Variants in CDH8 observed in about 807,000 individuals in gnomAD.
CDH8 encodes cadherin-8.
A neutral mutation model predicts 68.1 loss-of-function variants in CDH8; 17 were observed. That is an observed-to-expected ratio of 0.25 (90% CI 0.17 to 0.37). CDH8 has a LOEUF of 0.37. CDH8 is among the 10% of genes least tolerant of loss of function. The probability of loss-of-function intolerance (pLI) is 1.00; values close to 1 mark genes in which losing one functional copy is unlikely to be tolerated. For missense variants in CDH8, 763 were observed against 999.3 expected, an observed-to-expected ratio of 0.76 and a Z score of 3.19; for synonymous variants, 372 against 365.1, an observed-to-expected ratio of 1.02 and a Z score of -0.21.
chr16:61,784,926 G>T (rs374592693), intron 8 of CDH8, among the ~76,000 whole-genome samples: 64 of 151,944 alleles, frequency 4.2e-4, no homozygotes, highest in South Asian at 1.2e-3. Flanking sequence ...TCTCTGGGAC[G>T]CATTCAAAGC....
chr16:61,886,262 G>A (rs932911497), intron 3 of CDH8, among the ~76,000 whole-genome samples: 1 of 152,138 alleles, frequency 6.6e-6, no homozygotes, highest in Non-Finnish European at 1.5e-5. Context: ...GCAGACACAA[G>A]AGTGATAGTC....
Position 61,995,342 on chromosome 16 carries a change from G to A in CDH8, c.252+25810C>T, listed in dbSNP as rs376280435. On this transcript the variant is annotated intron_variant, in intron 2 of 11. Coordinates refer to ENST00000577390, the MANE Select transcript of CDH8 (RefSeq NM_001796.5). The stretch of plus-strand genomic sequence containing the variant: ...CTAATTCTCAGATTCTAAAGCAATA[G>A]ATCGGCCTGTCTGGGGAGCAGGCAT... Among the ~76,000 whole-genome samples, 128 of 152,176 alleles carry A rather than the reference G, an allele frequency of 8.4e-4. 2 individuals are homozygous for A. The South Asian group carries it at 0.027, about 32-fold the overall frequency.
intron 2 of CDH8, among the ~76,000 whole-genome samples, chr16:61,994,464 T>C (rs1261928716): frequency 6.6e-6 from 1 of 152,198 alleles, no homozygotes; most frequent in Non-Finnish European, 1.5e-5. Flanking sequence ...AATCTCTGTA[T>C]TGAAGAACGT....
intron 4 of CDH8, among the ~76,000 whole-genome samples, chr16:61,854,986 TCTGA>T (rs1311496545): frequency 6.6e-6 from 1 of 152,170 alleles, no homozygotes; most frequent in Non-Finnish European, 1.5e-5. Flanking sequence ...AAGAACTTAG[TCTGA>T]CTTTTATCGA....
intron 8 of CDH8, among the ~76,000 whole-genome samples, chr16:61,728,333 G>C (rs971761762): frequency 6.6e-6 from 1 of 150,568 alleles, no homozygotes; most frequent in Non-Finnish European, 1.5e-5. Context: ...TTTACAGTTG[G>C]TTTGCCCTGC....
chr16:61,988,577 CAACA>C (rs1965665047), intron 2 of CDH8, among the ~76,000 whole-genome samples: 1 of 150,536 alleles, frequency 6.6e-6, no homozygotes, highest in Non-Finnish European at 1.5e-5. Flanking sequence ...AAAGCAACAG[CAACA>C]AACAAAAACA....
At chr16:61,727,891 C>T (rs1345152558) in intron 8 of CDH8, among the ~76,000 whole-genome samples, 7 of 150,992 alleles carry the variant, frequency 4.6e-5, no homozygotes, top group Non-Finnish European at 8.9e-5. Context: ...GAACTCAATA[C>T]ATAATCCTCA....
intron 8 of CDH8, among the ~76,000 whole-genome samples, chr16:61,736,116 G>A (rs10651980): frequency 0.013 from 948 of 74,710 alleles, 4 homozygotes; most frequent in African/African-American, 0.022. Context: ...AGAAAGAAAG[G>A]AAGGAAGGAA....
At chr16:62,029,664 TA>T (rs1440185878) in intron 1 of CDH8, among the ~76,000 whole-genome samples, 2 of 152,180 alleles carry the variant, frequency 1.3e-5, no homozygotes, top group African/African-American at 4.8e-5. Flanking sequence ...AGCCGCTCAT[TA>T]AAAAACATTG....
At chr16:61,946,935 T>C (rs1964811561) in intron 2 of CDH8, among the ~76,000 whole-genome samples, 1 of 152,204 alleles carries the variant, frequency 6.6e-6, no homozygotes, top group South Asian at 2.1e-4. Flanking sequence ...AGAAGAGAAA[T>C]GATTGATGTT....
At chr16:62,010,422 T>G (rs1355492435) in intron 2 of CDH8, among the ~76,000 whole-genome samples, 1 of 152,136 alleles carries the variant, frequency 6.6e-6, no homozygotes, top group Admixed American at 6.5e-5. Context: ...ACGCACAGGT[T>G]TGACTCTGGG....
chr16:61,869,246 C>T (rs1285439753), intron 3 of CDH8, among the ~76,000 whole-genome samples: 1 of 152,128 alleles, frequency 6.6e-6, no homozygotes, highest in African/African-American at 2.4e-5. Context: ...ACCGGTCCTT[C>T]TTGGCCCTTA....
At chr16:61,821,941 T>C (rs997879414) in intron 5 of CDH8, among the ~76,000 whole-genome samples, 3 of 151,916 alleles carry the variant, frequency 2.0e-5, no homozygotes, top group Non-Finnish European at 4.4e-5. Flanking sequence ...CTCCTGCATT[T>C]CTTTGCCTGA....
intron 8 of CDH8, among the ~76,000 whole-genome samples, chr16:61,742,043 A>T (rs1365800472): frequency 6.6e-6 from 1 of 151,934 alleles, no homozygotes; most frequent in Non-Finnish European, 1.5e-5. Flanking sequence ...CTGTATCTTC[A>T]TTTGTATCTT....
chr16:62,000,342 G>T (rs1437208075), intron 2 of CDH8, among the ~76,000 whole-genome samples: 2 of 152,034 alleles, frequency 1.3e-5, no homozygotes, highest in African/African-American at 4.8e-5. Context: ...GGGTCAAATG[G>T]TATTTCTGGT....
chr16:61,821,560 C>T (rs903077588), intron 5 of CDH8, among the ~76,000 whole-genome samples: 3 of 152,022 alleles, frequency 2.0e-5, no homozygotes, highest in Non-Finnish European at 4.4e-5. Flanking sequence ...CACTTTTGAA[C>T]TTACCTTTAT....
intron 1 of CDH8, among the ~76,000 whole-genome samples, chr16:62,024,058 C>T (rs897398072): frequency 6.6e-6 from 1 of 151,916 alleles, no homozygotes; most frequent in Non-Finnish European, 1.5e-5. Context: ...ATCTCCATCT[C>T]GAACTCCTCA....
chr16:61,943,851 A>C (rs543582866), intron 2 of CDH8, among the ~76,000 whole-genome samples: 43 of 152,364 alleles, frequency 2.8e-4, no homozygotes, highest in Admixed American at 2.5e-3. Flanking sequence ...CATCTTTGGA[A>C]GATTCTCAAA....
At chr16:61,908,103 T>C (rs925326) in intron 2 of CDH8, among the ~76,000 whole-genome samples, 35,380 of 151,012 alleles carry the variant, frequency 0.23, 5,100 homozygotes, top group African/African-American at 0.41. Context: ...CTGTCATATA[T>C]TGATCCCAAT....
Sources: gnomAD v4.1 joint callset for allele counts (sites outside exome capture counted in the v4.1 genomes callset) on GRCh38, gnomAD v4.1.1 for gene constraint, MANE v1.5 for transcripts, NCBI Gene and HGNC (gene_info 2026-07-23, HGNC 2026-07-21) for gene names.